Variants in AMBRA1 observed in about 807,000 individuals in gnomAD.
AMBRA1 encodes the protein activating molecule in BECN1-regulated autophagy protein 1.
In AMBRA1, 47 loss-of-function variants were observed where a neutral mutation model predicts 125.4. The observed-to-expected ratio is 0.37, with a 90% confidence interval of 0.30 to 0.48. AMBRA1 has a LOEUF of 0.48. AMBRA1 is among the 20% of genes least tolerant of loss of function. The pLI is 0.99. For synonymous variants in AMBRA1, 626 were observed against 655.5 expected (o/e 0.95, Z 0.69); for missense variants, 1,331 against 1,693.4 (o/e 0.79, Z 3.76).
intron 1 of AMBRA1, among the ~76,000 whole-genome samples, chr11:46,572,963 C>T (rs772428841): frequency 1.3e-4 from 19 of 151,286 alleles, no homozygotes; most frequent in Middle Eastern, 3.2e-3. Context: ...TGGTGGTGGA[C>T]GCCTGTAATC....
At chr11:46,414,654 G>A (rs1474739341) in intron 15 of AMBRA1, among the ~76,000 whole-genome samples, 1 of 152,230 alleles carries the variant, frequency 6.6e-6, no homozygotes, top group Non-Finnish European at 1.5e-5. Flanking sequence ...TGGGGGTGCT[G>A]GCTGGCTGGC....
chr11:46,508,344 T>C lies in AMBRA1; in HGVS notation c.2186A>G (p.Gln729Arg). 1 of 1,614,214 alleles carries C rather than the reference T, an allele frequency of 6.2e-7. No homozygotes were observed. The highest frequency in any genetic ancestry group is 8.5e-7 in the Non-Finnish European group (1 of 1,180,026). ...ARLSPAAYYA[Q>R]RMIQYLSRRD... is the part of the protein sequence containing the mutation. ...CCGTGAGAGATACTGGATCATCCTC[T>C]GGGCGTAGTATGCAGCAGGAGATAA... The change falls in exon 9 of 18, where the codon CAG becomes CGG. Residue 729 changes from glutamine to arginine, a missense_variant. Gln to Arg is a conservative substitution (Grantham distance 43, BLOSUM62 1). This residue lies in a region of AMBRA1 where 689 missense variants were observed against 776.5 expected (regional missense o/e 0.89). Transcript: ENST00000683756.
chr11:46,440,380 A>G (rs1947944688), intron 12 of AMBRA1, among the ~76,000 whole-genome samples: 1 of 152,214 alleles, frequency 6.6e-6, no homozygotes, highest in African/African-American at 2.4e-5. Flanking sequence ...AGAAAAACAT[A>G]AATTTGCATT....
At chr11:46,426,132 G>A (rs1378890537) in intron 14 of AMBRA1, among the ~76,000 whole-genome samples, 1 of 151,982 alleles carries the variant, frequency 6.6e-6, no homozygotes, top group Non-Finnish European at 1.5e-5. Flanking sequence ...CTATTTTCAG[G>A]ATTATCTCAT....
At chr11:46,418,521 G>C (rs1221950528) in intron 14 of AMBRA1, among the ~76,000 whole-genome samples, 1 of 151,540 alleles carries the variant, frequency 6.6e-6, no homozygotes, top group Admixed American at 6.6e-5. Context: ...AGTCACATTA[G>C]GTATATCTTC....
At chr11:46,572,834 C>T (rs2043812164) in intron 1 of AMBRA1, among the ~76,000 whole-genome samples, 1 of 152,112 alleles carries the variant, frequency 6.6e-6, no homozygotes. Flanking sequence ...TGGCTCACGC[C>T]TGTAATCACA....
chr11:46,453,316 A>T (rs1407504477), intron 11 of AMBRA1, among the ~76,000 whole-genome samples: 1 of 151,696 alleles, frequency 6.6e-6, no homozygotes, highest in Non-Finnish European at 1.5e-5. Context: ...CCCAGGCTGG[A>T]ATGTAGTGGT....
chr11:46,409,209 C>CTT (rs750273261), intron 16 of AMBRA1, among the ~76,000 whole-genome samples: 5 of 145,626 alleles, frequency 3.4e-5, no homozygotes, highest in East Asian at 2.0e-4. Flanking sequence ...AACTGGAACT[C>CTT]TTTTTTTTTT....
At chr11:46,398,452 T>A (rs969019159) in intron 17 of AMBRA1, among the ~76,000 whole-genome samples, 6 of 152,176 alleles carry the variant, frequency 3.9e-5, no homozygotes, top group Non-Finnish European at 5.9e-5. Flanking sequence ...TTGTGTTACC[T>A]CCTCAAAGCC....
chr11:46,566,245 C>A (rs945382935), intron 1 of AMBRA1, among the ~76,000 whole-genome samples: 2 of 152,038 alleles, frequency 1.3e-5, no homozygotes, highest in Admixed American at 1.3e-4. Context: ...ACGGTGAAAC[C>A]CGTCTCTACT....
At chr11:46,426,954 C>G (rs867254559) in intron 14 of AMBRA1, among the ~76,000 whole-genome samples, 1 of 152,114 alleles carries the variant, frequency 6.6e-6, no homozygotes, top group South Asian at 2.1e-4. Flanking sequence ...CAAGTCCAGA[C>G]AAGATTAAGA....
At chr11:46,463,246 G>A (rs911745311) in intron 11 of AMBRA1, among the ~76,000 whole-genome samples, 11 of 152,100 alleles carry the variant, frequency 7.2e-5, no homozygotes, top group African/African-American at 2.7e-4. Flanking sequence ...CCCACCAGGG[G>A]CCAACTCAAA....
At chr11:46,479,629 G>T (rs929185585) in intron 11 of AMBRA1, among the ~76,000 whole-genome samples, 1 of 151,468 alleles carries the variant, frequency 6.6e-6, no homozygotes, top group East Asian at 2.0e-4. Flanking sequence ...CCCAGGAGGC[G>T]GAGGTTGCAG....
rs182842946 is a variant in AMBRA1, at chr11:46,545,834, G to A, written c.379-58C>T. 4 of 1,557,688 alleles carry A rather than the reference G, an allele frequency of 2.6e-6. No homozygotes were observed. The African/African-American group carries it at 4.1e-5, about 16-fold the overall frequency. On this transcript the variant is annotated intron_variant, in intron 4 of 17. Transcript: ENST00000683756. Reference sequence around the variant, plus strand: ...TTACAAGCTACCAGCACACTGGGAAGTCAATTTCAAGAAAGGTCCATTTAA... The same window carrying A: ...TTACAAGCTACCAGCACACTGGGAAATCAATTTCAAGAAAGGTCCATTTAA...
chr11:46,544,108 T>C (rs1952884478), intron 5 of AMBRA1, 67 bp from the exon 6 acceptor site: 11 of 1,327,468 alleles, frequency 8.3e-6, no homozygotes, highest in Middle Eastern at 1.8e-4. Context: ...AAGAGGAAAC[T>C]TGTGTTTGAA....
At chr11:46,510,576 T>C (rs1951219432) in intron 8 of AMBRA1, among the ~76,000 whole-genome samples, 1 of 152,166 alleles carries the variant, frequency 6.6e-6, no homozygotes, top group African/African-American at 2.4e-5. Context: ...CATAATATTA[T>C]TGGTGATAGA....
chr11:46,558,683 T>C (rs2043235553), intron 1 of AMBRA1, among the ~76,000 whole-genome samples: 1 of 151,804 alleles, frequency 6.6e-6, no homozygotes, highest in South Asian at 2.1e-4. Flanking sequence ...TCTGAAAATA[T>C]GGAAATTAAT....
chr11:46,590,250 A>G (rs1218541300), intron 1 of AMBRA1, among the ~76,000 whole-genome samples: 1 of 151,746 alleles, frequency 6.6e-6, no homozygotes, highest in Non-Finnish European at 1.5e-5. Flanking sequence ...GCGCACCTGT[A>G]GTCCACTTGA....
At chr11:46,548,112 A>G (rs2042883034) in intron 2 of AMBRA1, 134 bp downstream of exon 2, 1 of 1,350,168 alleles carries the variant, frequency 7.4e-7, no homozygotes, top group East Asian at 2.3e-5. Flanking sequence ...TTTACAAACA[A>G]CTCCCTAAGT....
Sources: allele counts gnomAD v4.1 joint callset (sites outside exome capture counted in the v4.1 genomes callset), GRCh38; gene constraint gnomAD v4.1.1; regional missense constraint gnomAD v4.1.1; transcripts MANE v1.5; gene names NCBI Gene and HGNC (gene_info 2026-07-23, HGNC 2026-07-21).